OLFM3: variants seen among roughly 807,000 people sequenced by gnomAD.
The protein encoded by OLFM3 is noelin-3.
OLFM3 carries 20 observed loss-of-function variants against 48.6 expected under a neutral mutation model. The observed-to-expected ratio is 0.41, with a 90% CI of 0.29 to 0.60. OLFM3 has a LOEUF of 0.60. OLFM3 is among the 20% of genes least tolerant of loss of function. The probability of loss-of-function intolerance (pLI) is 0.28; values close to 1 mark genes in which losing one functional copy is unlikely to be tolerated. For missense variants in OLFM3, 437 were observed against 544.3 expected (o/e 0.80, Z 1.96); for synonymous variants, 222 against 198.1 (o/e 1.12, Z -1.01).
intron 1 of OLFM3, chr1:101,893,431 A>G: frequency 3.3e-6 from 1 of 300,836 alleles, no homozygotes; most frequent in Admixed American, 3.7e-5. Flanking sequence ...GAAAGAAGAT[A>G]GTTTTGGGAG....
rs1557680087 is a variant in OLFM3, at chr1:101,804,555, G to T, written c.1060C>A (p.Leu354Ile). ...ATCACCTCCAAGGTATCTTGGTTAA[G>T]TTGGCTGATGACAATATTGCCTGCA... is the stretch of plus-strand genomic sequence containing the variant. ...QNAGNIVISQ[L>I]NQDTLEVMKS... The change falls in exon 6 of 6, where the codon CTT becomes ATT. Residue 354 changes from leucine (L) to isoleucine (I), a missense_variant. By Grantham distance (5) the Leu-to-Ile change is conservative. Coordinates refer to ENST00000370103, the MANE Select transcript of OLFM3 (RefSeq NM_058170.4). The surrounding 1 kb of genome is among the most constrained non-coding windows in gnomAD (Gnocchi z 4.5). The T allele has an allele frequency of 6.2e-7, 1 of 1,612,634 alleles. No homozygotes were observed. The highest frequency in any genetic ancestry group is 8.5e-7 in the Non-Finnish European group (1 of 1,179,170).
intron 3 of OLFM3, among the ~76,000 whole-genome samples, chr1:101,828,844 C>T (rs552891576): frequency 6.6e-6 from 1 of 152,270 alleles, no homozygotes; most frequent in East Asian, 1.9e-4. Flanking sequence ...CCGATGACCT[C>T]AGCATTGGGT....
chr1:101,826,535 G>A (rs1654874812), intron 3 of OLFM3, among the ~76,000 whole-genome samples: 1 of 152,116 alleles, frequency 6.6e-6, no homozygotes, highest in Non-Finnish European at 1.5e-5. Flanking sequence ...CATTAAAATA[G>A]CAGGAGCTCC....
At position 101,901,419 on chromosome 1, in the gene OLFM3, G is replaced by T. The variant is rs141326357; in HGVS notation, c.70-64394C>A. Reference sequence around the variant, plus strand: ...ACAATGAGTACTGTACATGGGACATGGAATGTCCTTACATATGGGTATAGA... The same window carrying T: ...ACAATGAGTACTGTACATGGGACATTGAATGTCCTTACATATGGGTATAGA... On this transcript the variant is annotated intron_variant, in intron 1 of 5. Transcript: ENST00000370103. Among the ~76,000 whole-genome samples, 26 of 152,182 alleles carry T rather than the reference G, an allele frequency of 1.7e-4. No individual in the cohort carries two copies. The East Asian group carries it at 5.0e-3, about 29-fold the overall frequency.
chr1:101,975,930 G>A (rs938855077), intron 1 of OLFM3, among the ~76,000 whole-genome samples: 1 of 152,074 alleles, frequency 6.6e-6, no homozygotes, highest in African/African-American at 2.4e-5. Context: ...AAGTAAGAAA[G>A]AAACGATGGA....
chr1:101,844,863 G>T (rs1381587852), intron 1 of OLFM3, among the ~76,000 whole-genome samples: 1 of 152,056 alleles, frequency 6.6e-6, no homozygotes, highest in Non-Finnish European at 1.5e-5. Context: ...TAACTGGCTT[G>T]ATGGTTTCTA....
At chr1:101,926,350 G>A (rs1465871891) in intron 1 of OLFM3, among the ~76,000 whole-genome samples, 1 of 151,936 alleles carries the variant, frequency 6.6e-6, no homozygotes, top group Non-Finnish European at 1.5e-5. Context: ...ACACTATCTT[G>A]TCTTAACTTT....
intron 1 of OLFM3, among the ~76,000 whole-genome samples, chr1:101,892,778 G>A (rs1658055064): frequency 6.6e-6 from 1 of 151,996 alleles, no homozygotes; most frequent in South Asian, 2.1e-4. Context: ...CGTAGCCTGG[G>A]CAAAGAAATC....
In OLFM3 at chr1:101,971,212, G is replaced by C. The variant is rs375607968; in HGVS notation, c.69+25536C>G. 2.2e-4 allele frequency among the ~76,000 whole-genome samples: 33 copies of C among 152,296 alleles called. 3 individuals carry two copies. The highest frequency in any genetic ancestry group is 1.4e-3 in the Admixed American group (21 of 15,296). On this transcript the variant is annotated intron_variant, in intron 1 of 5. Coordinates refer to ENST00000370103, the MANE Select transcript of OLFM3 (RefSeq NM_058170.4). ...GGTCTGGTGAGAGATGAGGATCTAA[G>C]CCAGAGCAGTAATGAAAGAATTGGA...
At chr1:101,943,505 A>G (rs1659856132) in intron 1 of OLFM3, among the ~76,000 whole-genome samples, 2 of 152,200 alleles carry the variant, frequency 1.3e-5, no homozygotes, top group East Asian at 3.8e-4. Flanking sequence ...AACTTCAGGT[A>G]CCTCCTTATT....
chr1:101,815,570 C>A (rs1654296008), intron 4 of OLFM3, among the ~76,000 whole-genome samples: 1 of 151,200 alleles, frequency 6.6e-6, no homozygotes, highest in African/African-American at 2.4e-5. Flanking sequence ...GTGGATAGGA[C>A]TAGGCTTTGG....
chr1:101,930,013 G>A (rs560224752), intron 1 of OLFM3, among the ~76,000 whole-genome samples: 2 of 152,160 alleles, frequency 1.3e-5, no homozygotes, highest in African/African-American at 2.4e-5. Context: ...TAAATTATAT[G>A]ATAGATGAAA....
chr1:101,898,423 A>G (rs1448686368), intron 1 of OLFM3, among the ~76,000 whole-genome samples: 4 of 152,216 alleles, frequency 2.6e-5, no homozygotes, highest in Admixed American at 6.5e-5. Flanking sequence ...CTTTGAAATT[A>G]TAGTGGGTGG....
intron 1 of OLFM3, among the ~76,000 whole-genome samples, chr1:101,944,302 G>C (rs1170776908): frequency 6.6e-6 from 1 of 151,978 alleles, no homozygotes; most frequent in African/African-American, 2.4e-5. Flanking sequence ...TACACCTAAA[G>C]GCTCTAATCC....
At chr1:101,973,120 T>C (rs1169075393) in intron 1 of OLFM3, among the ~76,000 whole-genome samples, 1 of 152,218 alleles carries the variant, frequency 6.6e-6, no homozygotes, top group Non-Finnish European at 1.5e-5. Flanking sequence ...TATATAGATA[T>C]ATGAGAAGTG....
At chr1:101,828,996 T>G (rs1481960207) in intron 3 of OLFM3, among the ~76,000 whole-genome samples, 1 of 152,202 alleles carries the variant, frequency 6.6e-6, no homozygotes, top group Non-Finnish European at 1.5e-5. Flanking sequence ...TCTCCTGGTC[T>G]TTTTAAATCA....
Position 101,804,266 on chromosome 1 carries a change from T to A in OLFM3, c.1349A>T (p.His450Leu), listed in dbSNP as rs1280098936. ...TGTGTCATCCTCTGTCTTGATGATA[T>A]GGAAAAGGGTGACATTGAACAGCAC... ...HQVLFNVTLF[H>L]IIKTEDDT Residue 450 changes from histidine (H) to leucine (L), a missense_variant, in exon 6 of 6, where the codon CAT becomes CTT. By Grantham distance (99) the His-to-Leu change is moderately conservative. Around this residue, in one of 3 missense-constraint regions of OLFM3, gnomAD observed 108 missense variants for 135.8 expected, o/e 0.80. Coordinates refer to ENST00000370103, the MANE Select transcript of OLFM3 (RefSeq NM_058170.4). The surrounding 1 kb of genome is among the most constrained non-coding windows in gnomAD (Gnocchi z 4.5). 6.2e-7 allele frequency: 1 copy of A among 1,602,792 alleles called. No individual in the cohort carries two copies.
intron 4 of OLFM3, among the ~76,000 whole-genome samples, chr1:101,817,969 A>G (rs1020990205): frequency 1.3e-5 from 2 of 152,096 alleles, no homozygotes; most frequent in African/African-American, 4.8e-5. Context: ...AAAATGTTGT[A>G]TTGGATAGAG....
intron 1 of OLFM3, among the ~76,000 whole-genome samples, chr1:101,975,941 A>G (rs1660941197): frequency 6.6e-6 from 1 of 152,202 alleles, no homozygotes; most frequent in South Asian, 2.1e-4. Context: ...AAACGATGGA[A>G]GAAAAAAACA....
Sources: allele counts gnomAD v4.1 joint callset (sites outside exome capture counted in the v4.1 genomes callset), GRCh38; gene constraint gnomAD v4.1.1; regional missense constraint gnomAD v4.1.1; non-coding constraint Gnocchi (gnomAD v3.1); transcripts MANE v1.5; gene names NCBI Gene and HGNC (gene_info 2026-07-23, HGNC 2026-07-21).